TIGAR: variants seen among roughly 807,000 people sequenced by gnomAD.
TIGAR encodes the protein fructose-2,6-bisphosphatase TIGAR.
Under a neutral mutation model 17.9 loss-of-function variants are expected in TIGAR, and 7 were observed. The observed-to-expected ratio is 0.39, with a 90% confidence interval of 0.22 to 0.73. The LOEUF is 0.73. Ranked by LOEUF, TIGAR falls within the 30% of genes least tolerant of loss-of-function variation. The pLI, the probability that TIGAR is intolerant of heterozygous loss-of-function variation, is 0.42. For synonymous variants in TIGAR, 94 were observed against 108.6 expected, an observed-to-expected ratio of 0.87 and a Z score of 0.84; for missense variants, 258 against 327.4, an observed-to-expected ratio of 0.79 and a Z score of 1.64.
intron 1 of TIGAR, among the ~76,000 whole-genome samples, chr12:4,327,912 T>C (rs1249681635): frequency 6.6e-6 from 1 of 152,104 alleles, no homozygotes. Flanking sequence ...ATGATCCGCC[T>C]GCTTCGGCCT....
rs997578475 is a variant in TIGAR, at chr12:4,355,012, T to G, written c.*2321T>G. 7.9e-5 allele frequency among the ~76,000 whole-genome samples: 12 copies of G among 151,968 alleles called. No individual in the cohort carries two copies. The highest frequency in any genetic ancestry group is 2.6e-4 in the Admixed American group (4 of 15,254). Reference sequence around the variant, plus strand: ...TTCCAAAGTGCTGGGATTGCAGGCATAAGCCACCGTGCCTGGCCTATGATG... The same window carrying G: ...TTCCAAAGTGCTGGGATTGCAGGCAGAAGCCACCGTGCCTGGCCTATGATG... On this transcript the variant is annotated 3_prime_UTR_variant, in exon 6 of 6. Transcript: ENST00000179259.
chr12:4,336,941 A>G, intron 2 of TIGAR, 98 bp from the exon 3 acceptor site: 1 of 1,315,746 alleles, frequency 7.6e-7, no homozygotes, highest in Non-Finnish European at 1.0e-6. Context: ...TCTTTCATTA[A>G]AATTTAGATA....
intron 1 of TIGAR, among the ~76,000 whole-genome samples, chr12:4,328,286 G>C (rs547806802): frequency 6.6e-6 from 1 of 151,800 alleles, no homozygotes; most frequent in Non-Finnish European, 1.5e-5. Context: ...CCACCTCCTG[G>C]GTTCAAGTCA....
intron 1 of TIGAR, chr12:4,324,490 ATC>A: frequency 6.2e-7 from 1 of 1,607,078 alleles, no homozygotes; most frequent in Non-Finnish European, 8.5e-7. Context: ...CTCCGGCTTG[ATC>A]TCCACCTGGT....
chr12:4,346,319 G>A (rs1361793459), intron 3 of TIGAR, among the ~76,000 whole-genome samples: 10 of 152,018 alleles, frequency 6.6e-5, no homozygotes, highest in East Asian at 1.9e-4. Context: ...TGTTTATTGC[G>A]GCACTATTCA....
intron 3 of TIGAR, among the ~76,000 whole-genome samples, chr12:4,347,131 G>T (rs181927604): frequency 9.8e-5 from 15 of 152,294 alleles, no homozygotes; most frequent in African/African-American, 3.1e-4. Flanking sequence ...CAGTAGCCAA[G>T]ATTTGGAAAT....
chr12:4,358,631 A>G lies in TIGAR; in HGVS notation c.*5940A>G, dbSNP rs2120710990. ...TTCTTATATATAACCCAGAATAAAT[A>G]TCTGAGTCAGGAAATTTGACATTGA... is the stretch of plus-strand genomic sequence containing the variant. On this transcript the variant is annotated 3_prime_UTR_variant, in exon 6 of 6. Coordinates refer to ENST00000179259, the MANE Select transcript of TIGAR (RefSeq NM_020375.3). Among the ~76,000 whole-genome samples the G allele has an allele frequency of 1.3e-5, 2 of 148,338 alleles. No homozygotes were observed. Among genetic ancestry groups the G allele is most frequent in the East Asian group, 4.0e-4 (2 of 4,996 alleles).
In TIGAR at chr12:4,340,490, A is replaced by G. The variant is rs535619577; in HGVS notation, c.192+3330A>G. On this transcript the variant is annotated intron_variant, in intron 3 of 5. Coordinates refer to ENST00000179259, the MANE Select transcript of TIGAR (RefSeq NM_020375.3). ...TCATACTACCCAAAGCAATCTACAG[A>G]TTCAATGCAATTTCTATCAAAATAC... Among the ~76,000 whole-genome samples the G allele has an allele frequency of 4.0e-4, 61 of 152,358 alleles. 1 individual carries two copies. The highest frequency in any genetic ancestry group is 1.4e-3 in the African/African-American group (59 of 41,588).
Position 4,352,564 on chromosome 12 carries a change from T to C in TIGAR, c.686T>C (p.Val229Ala). 1.2e-6 allele frequency: 2 copies of C among 1,613,950 alleles called. No homozygotes were observed. Among genetic ancestry groups the C allele is most frequent in the Non-Finnish European group, 1.7e-6 (2 of 1,180,020 alleles). ...ATLSRSELMS[V>A]TPNTGMSLFI... is the part of the protein sequence containing the mutation. ...CTGAGCAGATCTGAACTTATGTCAG[T>C]CACTCCCAATACAGGGATGAGTCTC... Residue 229 changes from valine to alanine, a missense_variant, in exon 6 of 6, where the codon GTC (valine) becomes GCC (alanine). Transcript: ENST00000179259.
chr12:4,333,719 C>T (rs1318797293), intron 2 of TIGAR, among the ~76,000 whole-genome samples: 3 of 152,188 alleles, frequency 2.0e-5, no homozygotes, highest in African/African-American at 7.2e-5. Context: ...CCACCTCGGC[C>T]TCCCAAAGTG....
At chr12:4,350,636 G>C (rs1301429232) in intron 4 of TIGAR, among the ~76,000 whole-genome samples, 1 of 152,106 alleles carries the variant, frequency 6.6e-6, no homozygotes, top group Non-Finnish European at 1.5e-5. Context: ...AATTAGCCGG[G>C]TGTGGTGGCA....
rs1019786667 is a variant in TIGAR at position 4,353,433 on chromosome 12, C to T, written c.*742C>T. 4.6e-5 allele frequency: 7 copies of T among 152,270 alleles called. No individual in the cohort carries two copies. Among genetic ancestry groups the T allele is most frequent in the Non-Finnish European group, 5.9e-5 (4 of 68,072 alleles). The allele number at this position is 152,270 out of a possible 1,614,324, so 9.4% of individuals were successfully genotyped here. On this transcript the variant is annotated 3_prime_UTR_variant, in exon 6 of 6. Transcript: ENST00000179259. ...TGAAGAATATCCACTTGCTTCTTATCTAACCTGTAGGCTGAAGAATTTCCA... is the reference window on the plus strand; with the variant it reads ...TGAAGAATATCCACTTGCTTCTTATTTAACCTGTAGGCTGAAGAATTTCCA...
rs757468992 is a variant in TIGAR at position 4,354,625 on chromosome 12, T to C, written c.*1934T>C. On this transcript the variant is annotated 3_prime_UTR_variant, in exon 6 of 6. Transcript: ENST00000179259. Reference sequence around the variant, plus strand: ...TCTTGGAGGCATCTCTGTGTTGATATATATAGATCTAGTTAATTATAACCA... The same window carrying C: ...TCTTGGAGGCATCTCTGTGTTGATACATATAGATCTAGTTAATTATAACCA... The C allele has an allele frequency of 1.3e-5, 2 of 152,148 alleles. No individual in the cohort carries two copies. The highest frequency in any genetic ancestry group is 1.9e-4 in the East Asian group (1 of 5,196). 9.4% of individuals were successfully genotyped at this position (152,148 alleles called of 1,614,324 possible). A position where few individuals can be genotyped will look rare whatever the true frequency, so the allele number is the denominator to read the frequency against.
intron 2 of TIGAR, among the ~76,000 whole-genome samples, chr12:4,333,650 G>A (rs1375847870): frequency 6.6e-6 from 1 of 152,128 alleles, no homozygotes. Flanking sequence ...TGTATTTTTA[G>A]TAGAGACGGG....
At chr12:4,351,430 GT>G (rs1406349219) in intron 5 of TIGAR, 53 bp downstream of exon 5, 4 of 1,494,696 alleles carry the variant, frequency 2.7e-6, no homozygotes, top group Non-Finnish European at 1.9e-6. Flanking sequence ...AAAATTAGAT[GT>G]TTTGGAATTT....
chr12:4,325,439 C>G (rs1000652048), intron 1 of TIGAR, among the ~76,000 whole-genome samples: 2 of 151,612 alleles, frequency 1.3e-5, no homozygotes, highest in Non-Finnish European at 2.9e-5. Context: ...ATAAAGATAC[C>G]TTGTACAGAT....
At chr12:4,327,410 G>GAAAAAAAAAAAAAAAAAA (rs541221100) in intron 1 of TIGAR, among the ~76,000 whole-genome samples, 1 of 85,104 alleles carries the variant, frequency 1.2e-5, no homozygotes. Context: ...CCCCATCTCA[G>GAAAAAAAAAAAAAAAAAA]AAAAAAAAAA....
At position 4,359,481 on chromosome 12, in the gene TIGAR, G is replaced by C. The variant is rs1412534885; in HGVS notation, c.*6790G>C. ...TTGGAAATGAAATGAAAGACGCCTG[G>C]TGTGCATGGTATTTAGAAACCAAGA... On this transcript the variant is annotated 3_prime_UTR_variant, in exon 6 of 6. Coordinates refer to ENST00000179259, the MANE Select transcript of TIGAR (RefSeq NM_020375.3). 2.0e-5 allele frequency among the ~76,000 whole-genome samples: 3 copies of C among 151,822 alleles called. No homozygotes were observed. Among genetic ancestry groups the C allele is most frequent in the Non-Finnish European group, 4.4e-5 (3 of 67,970 alleles).
At chr12:4,329,532 T>G (rs2120652391) in intron 1 of TIGAR, among the ~76,000 whole-genome samples, 1 of 151,844 alleles carries the variant, frequency 6.6e-6, no homozygotes, top group South Asian at 2.1e-4. Flanking sequence ...AGAGATGGGG[T>G]TTCATCATCT....
Sources: allele counts gnomAD v4.1 joint callset (sites outside exome capture counted in the v4.1 genomes callset), GRCh38; gene constraint gnomAD v4.1.1; transcripts MANE v1.5; gene names NCBI Gene and HGNC (gene_info 2026-07-23, HGNC 2026-07-21).